The following ELMO1 variants were observed in gnomAD, a reference collection of about 807,000 sequenced individuals.
The protein encoded by ELMO1 is engulfment and cell motility 1, also known as engulfment and cell motility protein 1.
Under a neutral mutation model 98.9 loss-of-function variants are expected in ELMO1, and 26 were observed. That is an observed-to-expected ratio of 0.26 (90% CI 0.19 to 0.36). The LOEUF (loss-of-function observed/expected upper bound fraction) is 0.36. ELMO1 is among the 10% of genes least tolerant of loss of function. The pLI is 1.00. For synonymous variants in ELMO1, 346 were observed against 346.0 expected (o/e 1.00, Z 0.00); for missense variants, 627 against 935.2 (o/e 0.67, Z 4.30).
In ELMO1 at chr7:37,222,649, G is replaced by C. The variant is rs761429850; in HGVS notation, c.746C>G (p.Ala249Gly). 6.8e-6 allele frequency: 11 copies of C among 1,613,934 alleles called. No individual in the cohort carries two copies. Among genetic ancestry groups the C allele is most frequent in the Non-Finnish European group, 8.5e-6 (10 of 1,179,930 alleles). The change falls in exon 10 of 22, where the codon GCG becomes GGG. Residue 249 changes from alanine (A) to glycine (G), a missense_variant. This residue lies in a region of ELMO1 where 492 missense variants were observed against 715.6 expected (regional missense o/e 0.69). Transcript: ENST00000310758. ...CTCATCAGGAGCCTTCAGGAAAAGC[G>C]CATTAATCACTGCAATAGTATAGGT... Reference protein sequence around the residue: ...IQTYTIAVINALFLKAPDERR... With the variant: ...IQTYTIAVINGLFLKAPDERR...
rs1463384383 is a variant in ELMO1, at chr7:36,941,172, T to TA, written c.1438-46156dup. ...ATTGATTTCTGAAATTTCAGCTAAA[T>TA]AAAAAACATGTAGAATAAAAGCCTA... On this transcript the variant is annotated intron_variant, in intron 16 of 21. Coordinates refer to ENST00000310758, the MANE Select transcript of ELMO1 (RefSeq NM_014800.11). 2.6e-5 allele frequency among the ~76,000 whole-genome samples: 4 copies of TA among 152,330 alleles called. No homozygotes were observed. In the South Asian group the frequency reaches 6.2e-4, roughly 24 times the overall value.
At chr7:36,959,680 A>G (rs1788776390) in intron 16 of ELMO1, among the ~76,000 whole-genome samples, 1 of 151,976 alleles carries the variant, frequency 6.6e-6, no homozygotes, top group African/African-American at 2.4e-5. Flanking sequence ...AAGTTTCTCT[A>G]ATTTTTTATT....
At chr7:37,033,863 CG>C (rs1020909738) in intron 15 of ELMO1, among the ~76,000 whole-genome samples, 3 of 151,846 alleles carry the variant, frequency 2.0e-5, no homozygotes, top group Non-Finnish European at 4.4e-5. Flanking sequence ...TTCAGGGGTG[CG>C]GAATAAAGAC....
intron 18 of ELMO1, among the ~76,000 whole-genome samples, chr7:36,881,209 C>G (rs1804427097): frequency 6.6e-6 from 1 of 152,306 alleles, no homozygotes; most frequent in Admixed American, 6.5e-5. Flanking sequence ...CAGCCAGTAT[C>G]TTCCTCACAG....
chr7:36,858,017 C>A (rs1802340222), intron 21 of ELMO1, among the ~76,000 whole-genome samples: 1 of 152,224 alleles, frequency 6.6e-6, no homozygotes, highest in Non-Finnish European at 1.5e-5. Flanking sequence ...ACGACAGTAA[C>A]TGCAACATAT....
intron 1 of ELMO1, among the ~76,000 whole-genome samples, chr7:37,378,724 T>C (rs895166677): frequency 2.0e-5 from 3 of 152,182 alleles, no homozygotes; most frequent in African/African-American, 7.2e-5. Flanking sequence ...GTACCTCTGT[T>C]CAAACAATTT....
intron 1 of ELMO1, among the ~76,000 whole-genome samples, chr7:37,435,706 A>T (rs907026884): frequency 1.3e-5 from 2 of 152,234 alleles, no homozygotes; most frequent in African/African-American, 4.8e-5. Flanking sequence ...TTAGCAACAC[A>T]TTTGAAAAGA....
At chr7:37,030,218 A>G (rs143426543) in intron 15 of ELMO1, among the ~76,000 whole-genome samples, 2 of 152,220 alleles carry the variant, frequency 1.3e-5, no homozygotes, top group African/African-American at 2.4e-5. Flanking sequence ...AGGAAGAAAA[A>G]TACTGATGAA....
rs200531638 is a variant in ELMO1, at chr7:37,199,006, CAG to C, written c.1086+12378_1086+12379del. On this transcript the variant is annotated intron_variant, in intron 13 of 21. Transcript: ENST00000310758. ...TCTTTATTGAAGTGCCATCAGCCTGCAGAGTTTCTCACACACATGCCTTTGAT... is the reference window on the plus strand; with the variant it reads ...TCTTTATTGAAGTGCCATCAGCCTGCAGTTTCTCACACACATGCCTTTGAT... Among the ~76,000 whole-genome samples the C allele has an allele frequency of 3.6e-3, 548 of 152,354 alleles. 6 individuals carry two copies. In the East Asian group the frequency reaches 0.037, roughly 10 times the overall value.
intron 1 of ELMO1, among the ~76,000 whole-genome samples, chr7:37,390,211 C>T (rs1298117935): frequency 1.3e-5 from 2 of 152,350 alleles, no homozygotes; most frequent in Non-Finnish European, 2.9e-5. Context: ...TTGCAGCTGT[C>T]GCTATGAGCA....
chr7:37,324,371 C>T (rs894900124), intron 2 of ELMO1, among the ~76,000 whole-genome samples: 1 of 149,490 alleles, frequency 6.7e-6, no homozygotes, highest in African/African-American at 2.5e-5. Context: ...TCCACTTCTC[C>T]GGCCTCTGCC....
intron 4 of ELMO1, among the ~76,000 whole-genome samples, chr7:37,273,027 G>C (rs1796653662): frequency 6.6e-6 from 1 of 152,204 alleles, no homozygotes. Context: ...TGTGACGTCT[G>C]TCTCAGTAAA....
intron 13 of ELMO1, among the ~76,000 whole-genome samples, chr7:37,166,427 G>A (rs1789695514): frequency 6.6e-6 from 1 of 152,050 alleles, no homozygotes; most frequent in Non-Finnish European, 1.5e-5. Context: ...TAATTGTGAT[G>A]TTAGGGTGTC....
At chr7:36,879,035 G>A (rs898266777) in intron 18 of ELMO1, among the ~76,000 whole-genome samples, 1 of 152,164 alleles carries the variant, frequency 6.6e-6, no homozygotes, top group Non-Finnish European at 1.5e-5. Context: ...GTTTGGCTTG[G>A]ACTGGCAATA....
intron 13 of ELMO1, among the ~76,000 whole-genome samples, chr7:37,151,115 G>A (rs983904734): frequency 1.3e-5 from 2 of 152,214 alleles, no homozygotes; most frequent in South Asian, 2.1e-4. Flanking sequence ...GGAGACTAGG[G>A]TGTGGATAGA....
At chr7:37,034,904 A>C (rs6979315) in intron 15 of ELMO1, among the ~76,000 whole-genome samples, 152,262 of 152,286 alleles carry the variant, frequency 1, 76,119 homozygotes, top group Non-Finnish European at 1. Flanking sequence ...CTTGTACAAC[A>C]AGAAGACTGG....
chr7:37,380,800 T>C (rs1802549246), intron 1 of ELMO1, among the ~76,000 whole-genome samples: 1 of 152,236 alleles, frequency 6.6e-6, no homozygotes, highest in Admixed American at 6.5e-5. Context: ...TTATTAACTT[T>C]GAACCCATGG....
At chr7:36,990,043 T>C (rs1315477037) in intron 16 of ELMO1, among the ~76,000 whole-genome samples, 1 of 152,214 alleles carries the variant, frequency 6.6e-6, no homozygotes, top group African/African-American at 2.4e-5. Context: ...GTTTTAGTTC[T>C]AGAAAATAAG....
intron 13 of ELMO1, 106 bp downstream of exon 13, chr7:37,211,280 G>A (rs768206862): frequency 1.5e-5 from 22 of 1,510,984 alleles, no homozygotes; most frequent in Admixed American, 5.7e-5. Context: ...AAACTATTCC[G>A]TAAAGCGCAA....
Sources: gnomAD v4.1 joint callset for allele counts (sites outside exome capture counted in the v4.1 genomes callset) on GRCh38, gnomAD v4.1.1 for gene constraint, gnomAD v4.1.1 regional missense constraint, MANE v1.5 for transcripts, NCBI Gene and HGNC (gene_info 2026-07-23, HGNC 2026-07-21) for gene names.